TTLL10: variants seen among roughly 807,000 people sequenced by gnomAD.
TTLL10 encodes tubulin tyrosine ligase like 10, also known as inactive polyglycylase TTLL10.
TTLL10 carries 61 observed loss-of-function variants against 69.0 expected under a neutral mutation model. The observed-to-expected ratio is 0.88, with a 90% CI of 0.72 to 1.09. The LOEUF (loss-of-function observed/expected upper bound fraction) is 1.09. Ranked by LOEUF, TTLL10 falls within the 50% of genes least tolerant of loss-of-function variation. TTLL10 has a pLI of 0.00. For missense variants in TTLL10, 962 were observed against 945.9 expected (o/e 1.02, Z -0.22); for synonymous variants, 408 against 393.3 (o/e 1.04, Z -0.44).
intron 10 of TTLL10, 33 bp downstream of exon 10, chr1:1,182,479 C>T (rs777275737): frequency 2.9e-5 from 46 of 1,608,564 alleles, no homozygotes; most frequent in Non-Finnish European, 6.0e-6. Flanking sequence ...CCAGGCTGGC[C>T]CTGGGGAGAC....
chr1:1,176,993 CGTCTGTGT>C (rs934508728), intron 3 of TTLL10, among the ~76,000 whole-genome samples: 40 of 152,034 alleles, frequency 2.6e-4, no homozygotes, highest in African/African-American at 9.2e-4. Context: ...CCTCTGTGTG[CGTCTGTGT>C]GTCTGTGTGT....
Position 1,180,605 on chromosome 1 carries a change from G to C in TTLL10, c.625+4G>C. ...AGCTACGGCAGCTTCCGGGAAGGTAGCGGGAGCCGGCACCAGAGGCGGGCA... is the reference window on the plus strand; with the variant it reads ...AGCTACGGCAGCTTCCGGGAAGGTACCGGGAGCCGGCACCAGAGGCGGGCA... On this transcript the variant is annotated splice_donor_region_variant and intron_variant, in intron 7 of 15. Coordinates refer to ENST00000379289, the MANE Select transcript of TTLL10 (RefSeq NM_001130045.2). 1 of 1,551,730 alleles carries C rather than the reference G, an allele frequency of 6.4e-7. No individual in the cohort carries two copies. Among genetic ancestry groups the C allele is most frequent in the Non-Finnish European group, 8.7e-7 (1 of 1,147,358 alleles).
intron 4 of TTLL10, 114 bp from the exon 5 acceptor site, chr1:1,179,543 G>GTTCC: frequency 6.7e-7 from 1 of 1,498,956 alleles, no homozygotes; most frequent in Non-Finnish European, 9.0e-7. Flanking sequence ...GCGGCCCAGG[G>GTTCC]TTCCGCCTGG....
chr1:1,178,996 G>A (rs963076541), intron 3 of TTLL10, among the ~76,000 whole-genome samples, 193 bp from the exon 4 acceptor site: 7 of 152,210 alleles, frequency 4.6e-5, no homozygotes, highest in South Asian at 2.1e-4. Flanking sequence ...AGACAGCCTC[G>A]CCCCCACACG....
rs1648312610 is a variant in TTLL10 at position 1,197,477 on chromosome 1, A to G, written c.1652A>G (p.Gln551Arg). 1 of 1,530,784 alleles carries G rather than the reference A, an allele frequency of 6.5e-7. No individual in the cohort carries two copies. The highest frequency in any genetic ancestry group is 8.8e-7 in the Non-Finnish European group (1 of 1,136,486). 94.8% of individuals were successfully genotyped at this position (1,530,784 alleles called of 1,614,324 possible). Residue 551 changes from glutamine to arginine, a missense_variant, in exon 16 of 16, where the codon CAG becomes CGG. Gln to Arg is a conservative substitution (Grantham distance 43, BLOSUM62 1). Transcript: ENST00000379289. Reference protein sequence around the residue: ...LETFRKSLRGQKMLPLLSQRR... With the variant: ...LETFRKSLRGRKMLPLLSQRR... ...ACCTTCCGGAAGAGCCTGCGCGGCCAGAAGATGTTGCCTCTGCTGTCCCAG... is the reference window on the plus strand; with the variant it reads ...ACCTTCCGGAAGAGCCTGCGCGGCCGGAAGATGTTGCCTCTGCTGTCCCAG...
At chr1:1,182,770 G>A in intron 10 of TTLL10, 106 bp from the exon 11 acceptor site, 1 of 1,430,174 alleles carries the variant, frequency 7.0e-7, no homozygotes, top group Non-Finnish European at 9.3e-7. Flanking sequence ...GGTTGGAATG[G>A]CCGGGCCGAG....
In TTLL10 at chr1:1,197,718, C is replaced by T. The variant is rs907856399; in HGVS notation, c.1893C>T (p.Ser631=). Reference sequence around the variant, plus strand: ...GGCCACCCGGCCCCGACCTGGACAGCGCCCACGATGGGGAGCCCCAGGCCC... The same window carrying T: ...GGCCACCCGGCCCCGACCTGGACAGTGCCCACGATGGGGAGCCCCAGGCCC... ...RPRPPGPDLD[S]AHDGEPQAPG... Residue 631 remains serine, a synonymous_variant, in exon 16 of 16, where the codon AGC becomes AGT. Coordinates refer to ENST00000379289, the MANE Select transcript of TTLL10 (RefSeq NM_001130045.2). 2.4e-5 allele frequency: 37 copies of T among 1,529,934 alleles called. No individual in the cohort carries two copies. The African/African-American group carries it at 3.8e-4, about 16-fold the overall frequency. 94.8% of individuals were successfully genotyped at this position (1,529,934 alleles called of 1,614,324 possible). A position where few individuals can be genotyped will look rare whatever the true frequency, so the allele number is the denominator to read the frequency against.
chr1:1,180,891 C>G (rs1473182085), intron 8 of TTLL10, 31 bp downstream of exon 8: 12 of 1,528,790 alleles, frequency 7.8e-6, no homozygotes, highest in Non-Finnish European at 1.1e-5. Context: ...GCCCCCGTCC[C>G]TGCGCCCGCC....
Position 1,197,166 on chromosome 1 carries a change from G to A in TTLL10, c.1592G>A (p.Gly531Asp). The change falls in exon 15 of 16, where the codon GGT becomes GAT. Residue 531 changes from glycine to aspartate, a missense_variant. Physicochemically the swap from Gly to Asp is moderately conservative, Grantham distance 94. Coordinates refer to ENST00000379289, the MANE Select transcript of TTLL10 (RefSeq NM_001130045.2). Reference protein sequence around the residue: ...NCEVLKEVIPGVVIETLDLVL... With the variant: ...NCEVLKEVIPDVVIETLDLVL... ...GAGGTCCTGAAGGAGGTCATCCCAGGTGTGGTCATCGAGACCCTGGGTGAG... is the reference window on the plus strand; with the variant it reads ...GAGGTCCTGAAGGAGGTCATCCCAGATGTGGTCATCGAGACCCTGGGTGAG... The A allele has an allele frequency of 1.3e-6, 2 of 1,550,554 alleles. No individual in the cohort carries two copies. The highest frequency in any genetic ancestry group is 1.7e-6 in the Non-Finnish European group (2 of 1,146,748).
chr1:1,180,513 G>A lies in TTLL10; in HGVS notation c.537G>A (p.Trp179Ter). 1 of 1,553,030 alleles carries A rather than the reference G, an allele frequency of 6.4e-7. No individual in the cohort carries two copies. Among genetic ancestry groups the A allele is most frequent in the East Asian group, 2.4e-5 (1 of 41,424 alleles). The part of the protein sequence containing the change: ...IISSYCKSKG[W>*]QRIHDSRRDD... ...GCTCCTACTGCAAAAGCAAGGGCTG[G>A]CAGCGCATCCATGACAGCCGCCGGG... Residue 179 changes from tryptophan (W) to a stop codon, truncating the protein, a stop_gained, in exon 7 of 16, where the codon TGG becomes TGA. Coordinates refer to ENST00000379289, the MANE Select transcript of TTLL10 (RefSeq NM_001130045.2). LOFTEE classifies it high-confidence loss of function.
intron 3 of TTLL10, among the ~76,000 whole-genome samples, chr1:1,178,114 C>T (rs1646929557): frequency 2.0e-5 from 3 of 152,194 alleles, no homozygotes; most frequent in Non-Finnish European, 4.4e-5. Context: ...GACACAAAGG[C>T]TTCCTGCGGG....
chr1:1,176,769 G>A (rs11809780), intron 3 of TTLL10, among the ~76,000 whole-genome samples: 32 of 152,264 alleles, frequency 2.1e-4, no homozygotes, highest in African/African-American at 6.7e-4. Context: ...GCGGCACCTC[G>A]GATTTACACC....
At chr1:1,176,591 C>T (rs1646878748) in intron 3 of TTLL10, among the ~76,000 whole-genome samples, 2 of 152,210 alleles carry the variant, frequency 1.3e-5, no homozygotes, top group Admixed American at 1.3e-4. Flanking sequence ...CGGCTGGGAG[C>T]CTCCTGGGCC....
chr1:1,195,222 C>T (rs1648111700), intron 13 of TTLL10, among the ~76,000 whole-genome samples: 1 of 152,180 alleles, frequency 6.6e-6, no homozygotes, highest in African/African-American at 2.4e-5. Context: ...AACTCCTGAC[C>T]TCAAGCGATC....
rs747044247 is a variant in TTLL10, at chr1:1,180,226, C to G, written c.392C>G (p.Ala131Gly). ...GCAGACTCGGATGACACTAACGCCG[C>G]CGGGCCCTCAGCTGCCCTCCTGGAG... ...RPADSDDTNA[A>G]GPSAALLEGL... Residue 131 changes from alanine (A) to glycine (G), a missense_variant, in exon 6 of 16, where the codon GCC (alanine) becomes GGC (glycine). Transcript: ENST00000379289. 6.2e-7 allele frequency: 1 copy of G among 1,609,316 alleles called. No homozygotes were observed. Among genetic ancestry groups the G allele is most frequent in the African/African-American group, 1.3e-5 (1 of 74,990 alleles).
chr1:1,175,727 T>C (rs1180077688), intron 3 of TTLL10: 1 of 454,656 alleles, frequency 2.2e-6, no homozygotes, highest in Non-Finnish European at 4.4e-6. Context: ...AGGCTGCTGC[T>C]CCCAGCTGCT....
chr1:1,175,957 G>A (rs1340084352), intron 3 of TTLL10: 1 of 441,538 alleles, frequency 2.3e-6, no homozygotes, highest in Non-Finnish European at 4.5e-6. Context: ...ACGCTGTGCA[G>A]GTGGAAAGAG....
intron 11 of TTLL10, 103 bp from the exon 12 acceptor site, chr1:1,183,817 C>T (rs547759809): frequency 6.8e-5 from 99 of 1,448,994 alleles, no homozygotes; most frequent in East Asian, 4.8e-4. Flanking sequence ...GGGACAGAGG[C>T]GGGGCGCTGA....
intron 13 of TTLL10, among the ~76,000 whole-genome samples, chr1:1,194,274 C>T (rs1318642178): frequency 6.6e-6 from 1 of 152,196 alleles, no homozygotes; most frequent in Non-Finnish European, 1.5e-5. Flanking sequence ...TCCTACACAG[C>T]CCCACCCCTC....
Sources: gnomAD v4.1 joint callset for allele counts (sites outside exome capture counted in the v4.1 genomes callset) on GRCh38, gnomAD v4.1.1 for gene constraint, MANE v1.5 for transcripts, NCBI Gene and HGNC (gene_info 2026-07-23, HGNC 2026-07-21) for gene names.